The following THSD7A variants were observed in gnomAD, a reference collection of about 807,000 sequenced individuals.
The protein encoded by THSD7A is thrombospondin type 1 domain containing 7A.
A neutral mutation model predicts 231.3 loss-of-function variants in THSD7A; 96 were observed. That is an observed-to-expected ratio of 0.41 (90% confidence interval 0.35 to 0.49). The LOEUF is 0.49. Ranked by LOEUF, THSD7A falls within the 20% of genes least tolerant of loss-of-function variation. The pLI, the probability that THSD7A is intolerant of heterozygous loss-of-function variation, is 0.05. For missense variants in THSD7A, 2,290 were observed against 2,070.2 expected (o/e 1.11, Z -2.06); for synonymous variants, 940 against 743.3 (o/e 1.26, Z -4.30).
At chr7:11,704,738 G>T (rs1780710791) in intron 1 of THSD7A, among the ~76,000 whole-genome samples, 1 of 150,952 alleles carries the variant, frequency 6.6e-6, no homozygotes, top group Non-Finnish European at 1.5e-5. Flanking sequence ...CCCCAAAACT[G>T]CCCATAGCTT....
At chr7:11,583,916 A>C (rs553789210) in intron 4 of THSD7A, among the ~76,000 whole-genome samples, 1 of 152,198 alleles carries the variant, frequency 6.6e-6, no homozygotes, top group Non-Finnish European at 1.5e-5. Context: ...ATTCTTAGTG[A>C]GTCTTATTTT....
chr7:11,395,248 G>T (rs1476245712), intron 23 of THSD7A, among the ~76,000 whole-genome samples: 3 of 151,986 alleles, frequency 2.0e-5, no homozygotes, highest in Admixed American at 2.0e-4. Context: ...ATGGTAAAGG[G>T]ATCAATGTAA....
At chr7:11,716,686 A>G (rs1473118428) in intron 1 of THSD7A, among the ~76,000 whole-genome samples, 2 of 151,372 alleles carry the variant, frequency 1.3e-5, no homozygotes, top group African/African-American at 2.4e-5. Context: ...ATTGCCATTC[A>G]TCTATATCAC....
intron 19 of THSD7A, among the ~76,000 whole-genome samples, chr7:11,410,038 G>A (rs564523891): frequency 2.0e-5 from 3 of 152,006 alleles, no homozygotes; most frequent in African/African-American, 7.3e-5. Flanking sequence ...CACCCTACTC[G>A]GCTCAATACT....
intron 4 of THSD7A, among the ~76,000 whole-genome samples, chr7:11,586,853 G>A (rs1359504905): frequency 6.6e-6 from 1 of 151,914 alleles, no homozygotes; most frequent in African/African-American, 2.4e-5. Context: ...AATCCTTTCT[G>A]TTGCTATATC....
chr7:11,676,756 A>C (rs564359035), intron 1 of THSD7A, among the ~76,000 whole-genome samples: 11 of 152,276 alleles, frequency 7.2e-5, no homozygotes, highest in African/African-American at 2.6e-4. Flanking sequence ...CCTCCAAGAA[A>C]TGTTGGACTA....
intron 4 of THSD7A, 112 bp from the exon 5 acceptor site, chr7:11,543,229 A>T: frequency 8.0e-6 from 7 of 872,162 alleles, no homozygotes; most frequent in Non-Finnish European, 1.2e-5. Context: ...AAGTGCTACC[A>T]AGACATTATT....
At chr7:11,483,754 T>C (rs1786528127) in intron 6 of THSD7A, among the ~76,000 whole-genome samples, 1 of 152,164 alleles carries the variant, frequency 6.6e-6, no homozygotes. Flanking sequence ...TTGTTTCCAA[T>C]ATTCTGTGGA....
At chr7:11,737,976 C>A (rs545504599) in intron 1 of THSD7A, among the ~76,000 whole-genome samples, 1 of 151,956 alleles carries the variant, frequency 6.6e-6, no homozygotes, top group Non-Finnish European at 1.5e-5. Context: ...GCATGACTCT[C>A]TCATTATTCT....
rs184126746 is a variant in THSD7A, at chr7:11,457,704, C to A, written c.2605+2958G>T. Among the ~76,000 whole-genome samples the A allele has an allele frequency of 2.2e-4, 33 of 152,184 alleles. No individual in the cohort carries two copies. The East Asian group carries it at 6.4e-3, about 29-fold the overall frequency. Reference sequence around the variant, plus strand: ...GCCTTCCACAAAATCACCCCAGGCTCCAGATCACATCTTCAGAGCTCAATC... The same window carrying A: ...GCCTTCCACAAAATCACCCCAGGCTACAGATCACATCTTCAGAGCTCAATC... On this transcript the variant is annotated intron_variant, in intron 11 of 27. Coordinates refer to ENST00000423059, the MANE Select transcript of THSD7A (RefSeq NM_015204.3).
chr7:11,808,702 T>A (rs1332807711), intron 1 of THSD7A, among the ~76,000 whole-genome samples: 1 of 152,166 alleles, frequency 6.6e-6, no homozygotes, highest in Non-Finnish European at 1.5e-5. Flanking sequence ...TATTCTTTAC[T>A]AGTACATGTA....
intron 4 of THSD7A, among the ~76,000 whole-genome samples, chr7:11,570,539 C>G (rs759052374): frequency 5.3e-5 from 8 of 152,154 alleles, no homozygotes; most frequent in Non-Finnish European, 1.2e-4. Context: ...TGACAAATAT[C>G]CTAAATACCC....
chr7:11,720,947 C>T (rs1781329393), intron 1 of THSD7A, among the ~76,000 whole-genome samples: 2 of 151,672 alleles, frequency 1.3e-5, no homozygotes, highest in African/African-American at 4.8e-5. Flanking sequence ...TCTGTTTAGT[C>T]CTCTTCTATT....
At chr7:11,617,159 C>T (rs1781134872) in intron 2 of THSD7A, among the ~76,000 whole-genome samples, 1 of 152,102 alleles carries the variant, frequency 6.6e-6, no homozygotes, top group South Asian at 2.1e-4. Flanking sequence ...TACTTTGGCC[C>T]CTCTTGAATT....
At chr7:11,715,648 T>G (rs1272168387) in intron 1 of THSD7A, among the ~76,000 whole-genome samples, 2 of 151,516 alleles carry the variant, frequency 1.3e-5, no homozygotes, top group Non-Finnish European at 3.0e-5. Context: ...GCTTAAAAAA[T>G]GTCTAACTTT....
rs117543276 is a variant in THSD7A, at chr7:11,389,193, T to C, written c.4412-6577A>G. On this transcript the variant is annotated intron_variant, in intron 23 of 27. Coordinates refer to ENST00000423059, the MANE Select transcript of THSD7A (RefSeq NM_015204.3). The stretch of plus-strand genomic sequence containing the variant: ...ATTTTCTGTCATGTTGATCAGTCTA[T>C]TATTGGCAGTGGTGTGTTAAATTGT... 4.4e-3 allele frequency among the ~76,000 whole-genome samples: 669 copies of C among 152,070 alleles called. 1 individual carries two copies. Among genetic ancestry groups the C allele is most frequent in the Middle Eastern group, 0.017 (5 of 294 alleles).
intron 1 of THSD7A, among the ~76,000 whole-genome samples, chr7:11,699,963 ACT>A (rs1780534426): frequency 6.6e-6 from 1 of 151,382 alleles, no homozygotes; most frequent in African/African-American, 2.4e-5. Context: ...CTTTTCACTT[ACT>A]TAAAAGCAGA....
intron 4 of THSD7A, among the ~76,000 whole-genome samples, chr7:11,547,890 T>C (rs1163043624): frequency 6.6e-6 from 1 of 152,096 alleles, no homozygotes; most frequent in African/African-American, 2.4e-5. Context: ...CAATACTAAA[T>C]GCTCACATCA....
At chr7:11,823,550 C>T (rs1158012727) in intron 1 of THSD7A, among the ~76,000 whole-genome samples, 4 of 152,058 alleles carry the variant, frequency 2.6e-5, no homozygotes, top group Admixed American at 6.6e-5. Context: ...TTGGGCAGAA[C>T]GGTCATTGTA....
Sources: allele counts gnomAD v4.1 joint callset (sites outside exome capture counted in the v4.1 genomes callset), GRCh38; gene constraint gnomAD v4.1.1; transcripts MANE v1.5; gene names NCBI Gene and HGNC (gene_info 2026-07-23, HGNC 2026-07-21).